Variants in PREX1 observed in about 807,000 individuals in gnomAD.
The protein encoded by PREX1 is phosphatidylinositol 3,4,5-trisphosphate-dependent Rac exchanger 1 protein.
A neutral mutation model predicts 198.3 loss-of-function variants in PREX1; 41 were observed. That is an observed-to-expected ratio of 0.21 (90% CI 0.16 to 0.27). The LOEUF (loss-of-function observed/expected upper bound fraction) is 0.27, where lower values mean the gene tolerates loss of function less well. Among genes scored for constraint, PREX1 ranks in the 10% least tolerant of loss-of-function variants. The probability of loss-of-function intolerance (pLI) is 1.00; values close to 1 mark genes in which losing one functional copy is unlikely to be tolerated. For missense variants in PREX1, 1,620 were observed against 2,200.7 expected (o/e 0.74, Z 5.28); for synonymous variants, 843 against 887.2 (o/e 0.95, Z 0.89).
intron 1 of PREX1, among the ~76,000 whole-genome samples, chr20:48,753,275 G>A (rs1236941093): frequency 2.0e-5 from 3 of 152,174 alleles, no homozygotes; most frequent in Non-Finnish European, 2.9e-5. Context: ...ATGAGACACT[G>A]GTCTGAGGTC....
chr20:48,705,916 T>C (rs955042030), intron 6 of PREX1, among the ~76,000 whole-genome samples: 2 of 152,126 alleles, frequency 1.3e-5, no homozygotes, highest in Admixed American at 6.5e-5. Flanking sequence ...GCAAACTTAC[T>C]CGAGACAGGG....
the PREX1 span, among the ~76,000 whole-genome samples, chr20:48,884,310 C>T: frequency 1.3e-5 from 2 of 152,134 alleles, no homozygotes; most frequent in Non-Finnish European, 2.9e-5. Context: ...ATAATCAAGA[C>T]AGTGTGGCGT....
chr20:48,742,185 C>T (rs1239594128), intron 3 of PREX1, among the ~76,000 whole-genome samples: 4 of 152,158 alleles, frequency 2.6e-5, no homozygotes, highest in Non-Finnish European at 5.9e-5. Context: ...TGATAGATCG[C>T]CTGGAATGGG....
At chr20:48,815,805 G>C (rs1262536483) in intron 1 of PREX1, among the ~76,000 whole-genome samples, 1 of 152,056 alleles carries the variant, frequency 6.6e-6, no homozygotes, top group Non-Finnish European at 1.5e-5. Flanking sequence ...TCAGGGGTTT[G>C]AGACCACCAG....
At chr20:48,642,961 G>T (rs968658599) in intron 27 of PREX1, among the ~76,000 whole-genome samples, 10 of 152,252 alleles carry the variant, frequency 6.6e-5, no homozygotes, top group African/African-American at 2.4e-4. Context: ...TCTGTTAATT[G>T]AAGTATAATT....
intron 1 of PREX1, among the ~76,000 whole-genome samples, chr20:48,818,096 C>G (rs1011244030): frequency 1.3e-5 from 2 of 152,094 alleles, no homozygotes; most frequent in African/African-American, 4.8e-5. Context: ...CACGGGGACA[C>G]TGGGAGGTGG....
At chr20:48,632,757 G>A (rs925294489) in intron 33 of PREX1, 118 bp from the exon 34 acceptor site, 44 of 1,135,042 alleles carry the variant, frequency 3.9e-5, no homozygotes, top group South Asian at 1.2e-4. Flanking sequence ...GGGGCACCCT[G>A]GGACCTCCCT....
At chr20:48,714,987 G>T (rs1393582750) in intron 5 of PREX1, among the ~76,000 whole-genome samples, 1 of 152,196 alleles carries the variant, frequency 6.6e-6, no homozygotes, top group African/African-American at 2.4e-5. Context: ...ACATGCGAAA[G>T]GAGGGAGGTG....
chr20:48,878,735 G>T, the PREX1 span, among the ~76,000 whole-genome samples: 1 of 152,172 alleles, frequency 6.6e-6, no homozygotes, highest in African/African-American at 2.4e-5. Flanking sequence ...TCCAGAGATG[G>T]ACGTGTGACT....
rs367984307 is a variant in PREX1, at chr20:48,727,459, A to AAAT, written c.520-1071_520-1069dup. Among the ~76,000 whole-genome samples, 352 of 151,870 alleles carry AAAT rather than the reference A, an allele frequency of 2.3e-3. 3 individuals carry two copies. In the East Asian group the frequency reaches 0.043, roughly 19 times the overall value. On this transcript the variant is annotated intron_variant, in intron 4 of 39. Coordinates refer to ENST00000371941, the MANE Select transcript of PREX1 (RefSeq NM_020820.4). The stretch of plus-strand genomic sequence containing the variant: ...TGGAATGTATTCTCTTCCCCAATAA[A>AAAT]AATAATAATAATAATAATACTGCTA...
At chr20:48,715,003 G>C (rs1484806685) in intron 5 of PREX1, among the ~76,000 whole-genome samples, 1 of 152,246 alleles carries the variant, frequency 6.6e-6, no homozygotes, top group East Asian at 1.9e-4. Context: ...AGGTGAGAAG[G>C]CTCCTGCCCA....
In PREX1 at chr20:48,673,531, G is replaced by A. The variant is rs142350053; in HGVS notation, c.1665+2662C>T. ...TTGGGAAATATGAGGCCCCAGAAAC[G>A]TCCACAGCAGTAAGAAGTGGGCAGC... On this transcript the variant is annotated intron_variant, in intron 14 of 39. Coordinates refer to ENST00000371941, the MANE Select transcript of PREX1 (RefSeq NM_020820.4). 2.2e-3 allele frequency among the ~76,000 whole-genome samples: 334 copies of A among 152,274 alleles called. 1 individual carries two copies. The highest frequency in any genetic ancestry group is 2.8e-3 in the Non-Finnish European group (192 of 68,014).
chr20:48,758,073 TTGGGAGG>T (rs1368532855), intron 1 of PREX1, among the ~76,000 whole-genome samples: 2 of 151,816 alleles, frequency 1.3e-5, no homozygotes, highest in African/African-American at 4.8e-5. Flanking sequence ...AGTAGTTTCT[TTGGGAGG>T]TGGGAGGTGG....
At chr20:48,676,957 T>A (rs2089713905) in intron 13 of PREX1, among the ~76,000 whole-genome samples, 1 of 152,200 alleles carries the variant, frequency 6.6e-6, no homozygotes, top group Non-Finnish European at 1.5e-5. Context: ...TGTGACAGCA[T>A]CTGAATCCCT....
Position 48,743,725 on chromosome 20 carries a change from G to C in PREX1, c.414+1300C>G, listed in dbSNP as rs759009797. On this transcript the variant is annotated intron_variant, in intron 3 of 39. Coordinates refer to ENST00000371941, the MANE Select transcript of PREX1 (RefSeq NM_020820.4). ...GATTTATCCCGTTTATGGGTAAAAG[G>C]ACAATGAGGCACAGACAAGATCAGT... Among the ~76,000 whole-genome samples, 50 of 152,240 alleles carry C rather than the reference G, an allele frequency of 3.3e-4. 1 individual carries two copies. Among genetic ancestry groups the C allele is most frequent in the Admixed American group, 2.6e-4 (4 of 15,286 alleles).
intron 7 of PREX1, among the ~76,000 whole-genome samples, chr20:48,696,278 G>A (rs540681623): frequency 2.0e-5 from 3 of 152,240 alleles, no homozygotes; most frequent in African/African-American, 7.2e-5. Flanking sequence ...TTTGTGTTTG[G>A]TATGAGATAA....
intron 1 of PREX1, among the ~76,000 whole-genome samples, chr20:48,802,670 T>C (rs757197954): frequency 2.6e-5 from 4 of 152,250 alleles, no homozygotes; most frequent in Non-Finnish European, 4.4e-5. Context: ...ATCAGAGATA[T>C]GAGAGCAGGG....
chr20:48,632,434 G>A (rs757197701), intron 34 of PREX1, 43 bp from the exon 35 acceptor site: 38 of 1,613,010 alleles, frequency 2.4e-5, no homozygotes, highest in East Asian at 6.7e-5. Flanking sequence ...GTTGGGAGCC[G>A]GTGTGCTTGG....
intron 9 of PREX1, among the ~76,000 whole-genome samples, chr20:48,690,189 C>G (rs1167221690): frequency 6.6e-6 from 1 of 152,154 alleles, no homozygotes; most frequent in African/African-American, 2.4e-5. Flanking sequence ...TTCAAGTAAG[C>G]AGGATACACA....
Sources: allele counts gnomAD v4.1 joint callset (sites outside exome capture counted in the v4.1 genomes callset), GRCh38; gene constraint gnomAD v4.1.1; transcripts MANE v1.5; gene names NCBI Gene and HGNC (gene_info 2026-07-23, HGNC 2026-07-21).